EPM2A: variants seen among roughly 807,000 people sequenced by gnomAD.
EPM2A encodes the protein laforin.
EPM2A carries 21 observed loss-of-function variants against 26.5 expected under a neutral mutation model. The observed-to-expected ratio is 0.79, with a 90% CI of 0.56 to 1.14. The LOEUF is 1.14. Among genes scored for constraint, EPM2A ranks in the 50% most tolerant of loss-of-function variants. The probability of loss-of-function intolerance (pLI) is 0.00; values close to 1 mark genes in which losing one functional copy is unlikely to be tolerated. For synonymous variants in EPM2A, 217 were observed against 177.6 expected (o/e 1.22, Z -1.76); for missense variants, 458 against 440.8 (o/e 1.04, Z -0.35).
chr6:145,456,801 A>C (rs1286772614), intron 4 of EPM2A, among the ~76,000 whole-genome samples: 1 of 152,192 alleles, frequency 6.6e-6, no homozygotes, highest in Non-Finnish European at 1.5e-5. Context: ...TTTTTCCACT[A>C]ATTTTCATTC....
Position 145,491,133 on chromosome 6 carries a change from C to T in EPM2A, c.555+11389G>A, listed in dbSNP as rs1335699815. The T allele has an allele frequency of 7.0e-6, 4 of 571,156 alleles. No homozygotes were observed. In the Admixed American group the frequency reaches 8.0e-5, roughly 11 times the overall value. 35.4% of individuals were successfully genotyped at this position (571,156 alleles called of 1,614,324 possible). On this transcript the variant is annotated intron_variant, in intron 4 of 4. Coordinates refer to the EPM2A transcript ENST00000638717. Reference sequence around the variant, plus strand: ...CCACCTTTTTTCTTGTGGTATTTTCCTCTAATGGAGCTGAGTTTTCTTTGT... The same window carrying T: ...CCACCTTTTTTCTTGTGGTATTTTCTTCTAATGGAGCTGAGTTTTCTTTGT...
At chr6:145,558,290 A>G (rs1219103091) in intron 2 of EPM2A, among the ~76,000 whole-genome samples, 1 of 152,056 alleles carries the variant, frequency 6.6e-6, no homozygotes, top group Non-Finnish European at 1.5e-5. Context: ...CTGTGAGTCC[A>G]TTAAACTTCT....
rs1244390711 is a variant in EPM2A, at chr6:145,469,654, G to C, written c.555+32868C>G. Among the ~76,000 whole-genome samples, 7 of 152,116 alleles carry C rather than the reference G, an allele frequency of 4.6e-5. No homozygotes were observed. In the East Asian group the frequency reaches 1.4e-3, roughly 29 times the overall value. On this transcript the variant is annotated intron_variant, in intron 4 of 4. Coordinates refer to the EPM2A transcript ENST00000638717. Reference sequence around the variant, plus strand: ...TTAAAAGTAGGGTCGTACAATCCAGGAATCCCACTCCTATGTATATACCCA... The same window carrying C: ...TTAAAAGTAGGGTCGTACAATCCAGCAATCCCACTCCTATGTATATACCCA...
At chr6:145,654,194 A>T (rs1233245571) in intron 2 of EPM2A, among the ~76,000 whole-genome samples, 1 of 148,160 alleles carries the variant, frequency 6.7e-6, no homozygotes. Flanking sequence ...AGACTATGCA[A>T]TTTTTTTTTT....
intron 2 of EPM2A, among the ~76,000 whole-genome samples, chr6:145,684,267 A>G (rs1400317834): frequency 6.6e-6 from 1 of 152,172 alleles, no homozygotes; most frequent in African/African-American, 2.4e-5. Flanking sequence ...TCCAACATCC[A>G]TCTAAGGAGT....
At position 145,732,238 on chromosome 6, in the gene EPM2A, C is replaced by CGT. The variant is rs1389345160; in HGVS notation, c.301+2959_301+2960insAC. Among the ~76,000 whole-genome samples, 5 of 72,896 alleles carry CGT rather than the reference C, an allele frequency of 6.9e-5. No individual in the cohort carries two copies. In the East Asian group the frequency reaches 2.4e-3, roughly 36 times the overall value. 47.8% of individuals were successfully genotyped at this position (72,896 alleles called of 152,430 possible). A position where few individuals can be genotyped will look rare whatever the true frequency, so the allele number is the denominator to read the frequency against. On this transcript the variant is annotated intron_variant, in intron 1 of 3. Transcript: ENST00000367519. ...GTGTGTGTGTGTGTGTGTGTGTGTG[C>CGT]GCGCCAAAGTAAGGAAGGGAGAGGA... is the stretch of plus-strand genomic sequence containing the variant.
chr6:145,521,291 T>C (rs1333376445), intron 2 of EPM2A, among the ~76,000 whole-genome samples: 1 of 152,110 alleles, frequency 6.6e-6, no homozygotes, highest in African/African-American at 2.4e-5. Flanking sequence ...GGGGAAGAAA[T>C]GGAAGGTAGG....
chr6:145,723,390 C>T (rs1776039542), intron 1 of EPM2A, among the ~76,000 whole-genome samples: 2 of 151,994 alleles, frequency 1.3e-5, no homozygotes, highest in Admixed American at 1.3e-4. Flanking sequence ...AATCTAATTT[C>T]ACAAGAAAGA....
At chr6:145,417,997 T>C (rs537563836) in intron 4 of EPM2A, among the ~76,000 whole-genome samples, 6 of 152,210 alleles carry the variant, frequency 3.9e-5, no homozygotes, top group African/African-American at 1.4e-4. Flanking sequence ...CTCACACCCC[T>C]GATAATTCAC....
intron 2 of EPM2A, among the ~76,000 whole-genome samples, chr6:145,647,521 G>A (rs1182198449): frequency 1.3e-5 from 2 of 152,256 alleles, no homozygotes; most frequent in East Asian, 3.9e-4. Flanking sequence ...TCAGGCTCTG[G>A]CCTCTCTTGC....
intron 2 of EPM2A, among the ~76,000 whole-genome samples, chr6:145,529,490 G>A (rs1169983294): frequency 6.6e-6 from 1 of 152,128 alleles, no homozygotes; most frequent in Admixed American, 6.6e-5. Context: ...ACTCTCTGAA[G>A]GTTCAGGTGA....
chr6:145,593,511 T>G (rs775559336), intron 2 of EPM2A, among the ~76,000 whole-genome samples: 4 of 152,092 alleles, frequency 2.6e-5, no homozygotes, highest in Non-Finnish European at 5.9e-5. Flanking sequence ...ACATTCACCA[T>G]GACAGATCAT....
At chr6:145,584,985 T>A (rs529495317) in intron 2 of EPM2A, among the ~76,000 whole-genome samples, 32 of 152,372 alleles carry the variant, frequency 2.1e-4, no homozygotes, top group African/African-American at 7.7e-4. Flanking sequence ...CTTTACAGGA[T>A]AAATATTTTC....
intron 2 of EPM2A, among the ~76,000 whole-genome samples, chr6:145,572,033 C>A (rs1780965617): frequency 6.6e-6 from 1 of 152,214 alleles, no homozygotes; most frequent in Admixed American, 6.5e-5. Flanking sequence ...CGCTGACCAT[C>A]CAGCCAAACC....
At chr6:145,410,476 A>T (rs1413112946) in intron 4 of EPM2A, among the ~76,000 whole-genome samples, 2 of 152,236 alleles carry the variant, frequency 1.3e-5, no homozygotes, top group East Asian at 3.8e-4. Context: ...ATACTGTAAG[A>T]CAATTAAAAT....
intron 3 of EPM2A, chr6:145,501,996 A>G (rs1230278073): frequency 2.6e-6 from 1 of 382,920 alleles, no homozygotes; most frequent in Non-Finnish European, 5.2e-6. Context: ...CTCGAATTGA[A>G]CCCTAAACAG....
intron 2 of EPM2A, among the ~76,000 whole-genome samples, chr6:145,649,058 G>GA (rs1777686991): frequency 6.6e-6 from 1 of 152,096 alleles, no homozygotes; most frequent in Admixed American, 6.5e-5. Flanking sequence ...TTATGCTTGT[G>GA]ACCTTTGCAA....
In EPM2A at chr6:145,682,137, C is replaced by T. The variant is rs113060605; in HGVS notation, c.476+3985G>A. ...GTTCCACGTGGCTCGGGAGGCCTCA[C>T]AATCACGGTTGAAGGCAAGGAAGAG... is the stretch of plus-strand genomic sequence containing the variant. On this transcript the variant is annotated intron_variant, in intron 2 of 3. Coordinates refer to ENST00000367519, the MANE Select transcript of EPM2A (RefSeq NM_005670.4). 7.7e-3 allele frequency among the ~76,000 whole-genome samples: 1,169 copies of T among 152,224 alleles called. 18 individuals carry two copies. Among genetic ancestry groups the T allele is most frequent in the African/African-American group, 0.027 (1,108 of 41,540 alleles).
At chr6:145,399,179 G>C (rs935846998) in intron 4 of EPM2A, among the ~76,000 whole-genome samples, 12 of 152,134 alleles carry the variant, frequency 7.9e-5, no homozygotes, top group African/African-American at 2.9e-4. Context: ...GTTTGCGAGA[G>C]AGGTGACTCA....
Sources: gnomAD v4.1 joint callset for allele counts (sites outside exome capture counted in the v4.1 genomes callset) on GRCh38, gnomAD v4.1.1 for gene constraint, MANE v1.5 for transcripts, NCBI Gene and HGNC (gene_info 2026-07-23, HGNC 2026-07-21) for gene names.